RICTOR: variants seen among roughly 807,000 people sequenced by gnomAD.
RICTOR encodes the protein rapamycin-insensitive companion of mTOR.
A neutral mutation model predicts 214.9 loss-of-function variants in RICTOR; 49 were observed. The observed-to-expected ratio is 0.23, with a 90% CI of 0.18 to 0.29. The LOEUF is 0.29. Ranked by LOEUF, RICTOR falls within the 10% of genes least tolerant of loss-of-function variation. The probability of loss-of-function intolerance (pLI) is 1.00; values close to 1 mark genes in which losing one functional copy is unlikely to be tolerated. For synonymous variants in RICTOR, 717 were observed against 711.3 expected (o/e 1.01, Z -0.13); for missense variants, 1,625 against 2,047.0 (o/e 0.79, Z 3.98).
chr5:39,006,198 C>G (rs1424484784), intron 3 of RICTOR, among the ~76,000 whole-genome samples: 1 of 152,222 alleles, frequency 6.6e-6, no homozygotes, highest in African/African-American at 2.4e-5. Context: ...GTACAAGATT[C>G]TCTCTTTTCT....
chr5:39,067,455 G>A (rs1580233440), intron 2 of RICTOR, among the ~76,000 whole-genome samples: 1 of 151,964 alleles, frequency 6.6e-6, no homozygotes, highest in Non-Finnish European at 1.5e-5. Flanking sequence ...ATTTGGGTGG[G>A]GACAAATATC....
intron 20 of RICTOR, 77 bp from the exon 21 acceptor site, chr5:38,960,055 C>A: frequency 1.0e-6 from 1 of 984,732 alleles, no homozygotes; most frequent in Non-Finnish European, 1.6e-6. Context: ...CAATCAAGTA[C>A]AAAAACTTAC....
Position 38,950,647 on chromosome 5 carries a change from A to T in RICTOR, c.3201T>A (p.Asp1067Glu), listed in dbSNP as rs748717640. The stretch of plus-strand genomic sequence containing the variant: ...ATCGGTCATAAAATGTTGGCTCTGT[A>T]TCTTCATTGATATCAAGGAAAAATG... ...TSTFFLDINE[D>E]TEPTFYDRSG... The change falls in exon 31 of 38, where the codon GAT becomes GAA. Residue 1067 changes from aspartate (D) to glutamate (E), a missense_variant. Asp to Glu is a conservative substitution (Grantham distance 45, BLOSUM62 2). Transcript: ENST00000357387. 1 of 1,612,352 alleles carries T rather than the reference A, an allele frequency of 6.2e-7. No homozygotes were observed. Among genetic ancestry groups the T allele is most frequent in the Non-Finnish European group, 8.5e-7 (1 of 1,178,960 alleles).
Position 39,074,124 on chromosome 5 carries a change from C to T in RICTOR, c.84G>A (p.Leu28=). The T allele has an allele frequency of 6.3e-7, 1 of 1,584,498 alleles. No homozygotes were observed. The highest frequency in any genetic ancestry group is 8.6e-7 in the Non-Finnish European group (1 of 1,167,602). Reference sequence around the variant, plus strand: ...GCCCCGCGTTACCTCGGGTCAGATCCAGCGGGACGTTCTCCTCGCCGCTGT... The same window carrying T: ...GCCCCGCGTTACCTCGGGTCAGATCTAGCGGGACGTTCTCCTCGCCGCTGT... ...RNDSGEENVP[L]DLTREPSDNL... is the part of the protein sequence containing the mutation. Residue 28 remains leucine (L), a synonymous_variant, in exon 2 of 38, where the codon CTG becomes CTA. Coordinates refer to ENST00000357387, the MANE Select transcript of RICTOR (RefSeq NM_152756.5).
intron 34 of RICTOR, 43 bp from the exon 35 acceptor site, chr5:38,945,111 C>CT (rs1220313202): frequency 5.8e-6 from 8 of 1,368,040 alleles, no homozygotes; most frequent in Non-Finnish European, 8.2e-6. Context: ...ACCATAACGG[C>CT]TTAATTCCTG....
chr5:39,023,467 TG>T (rs1276275363), intron 2 of RICTOR, among the ~76,000 whole-genome samples: 1 of 152,208 alleles, frequency 6.6e-6, no homozygotes, highest in Non-Finnish European at 1.5e-5. Flanking sequence ...AAACAAGCCA[TG>T]GGCCAGATAT....
chr5:38,972,757 T>C (rs1750889593), intron 10 of RICTOR, among the ~76,000 whole-genome samples: 1 of 151,870 alleles, frequency 6.6e-6, no homozygotes, highest in Admixed American at 6.6e-5. Flanking sequence ...ATTTAGGTAT[T>C]TACGCAAGAG....
rs1242732147 is a variant in RICTOR at position 38,939,292 on chromosome 5, A to G, written c.*3012T>C. The G allele has an allele frequency of 4.3e-6, 1 of 232,434 alleles. No individual in the cohort carries two copies. The highest frequency in any genetic ancestry group is 8.5e-6 in the Non-Finnish European group (1 of 117,564). The allele number at this position is 232,434 out of a possible 1,614,324, so 14.4% of individuals were successfully genotyped here. The stretch of plus-strand genomic sequence containing the variant: ...CTTGAATTATCTCAAGCTCTAGATA[A>G]AAGAGCTGAAACCCATTAAAGTTGT... On this transcript the variant is annotated 3_prime_UTR_variant, in exon 38 of 38. Transcript: ENST00000357387.
At chr5:38,985,171 A>G (rs1362367930) in intron 7 of RICTOR, among the ~76,000 whole-genome samples, 1 of 152,146 alleles carries the variant, frequency 6.6e-6, no homozygotes, top group Non-Finnish European at 1.5e-5. Flanking sequence ...CTGTATCCAC[A>G]GGGAAATGGT....
intron 32 of RICTOR, among the ~76,000 whole-genome samples, 179 bp from the exon 33 acceptor site, chr5:38,946,731 T>C (rs954830726): frequency 3.3e-5 from 5 of 152,186 alleles, no homozygotes; most frequent in African/African-American, 1.2e-4. Flanking sequence ...AAGTCCTTAT[T>C]ATATTATTAG....
chr5:39,012,707 A>G (rs1319567713), intron 3 of RICTOR, among the ~76,000 whole-genome samples: 2 of 152,180 alleles, frequency 1.3e-5, no homozygotes, highest in Admixed American at 1.3e-4. Context: ...CAAATCATTG[A>G]CTATGTTTAG....
chr5:38,940,888 T>G lies in RICTOR; in HGVS notation c.*1416A>C, dbSNP rs1262284824. The G allele has an allele frequency of 4.3e-6, 1 of 232,260 alleles. No homozygotes were observed. The highest frequency in any genetic ancestry group is 2.2e-5 in the African/African-American group (1 of 45,318). The allele number at this position is 232,260 out of a possible 1,614,324, so 14.4% of individuals were successfully genotyped here. A position where few individuals can be genotyped will look rare whatever the true frequency, so the allele number is the denominator to read the frequency against. ...CATCATGGGAAAATATTAATGTTGC[T>G]ATGACTGTGTCAAAACTGATGTGTA... On this transcript the variant is annotated 3_prime_UTR_variant, in exon 38 of 38. Transcript: ENST00000357387.
At chr5:38,971,015 T>C (rs1466691820) in intron 11 of RICTOR, 1 of 152,664 alleles carries the variant, frequency 6.6e-6, no homozygotes, top group East Asian at 1.9e-4. Flanking sequence ...CAACTTTTTT[T>C]TGTTTTTTTG....
chr5:38,989,717 G>C (rs1009494643), intron 7 of RICTOR, among the ~76,000 whole-genome samples: 1 of 152,098 alleles, frequency 6.6e-6, no homozygotes, highest in African/African-American at 2.4e-5. Flanking sequence ...CTCAAAAGAA[G>C]ACATTTATGT....
At chr5:39,032,164 T>C (rs150236688) in intron 2 of RICTOR, among the ~76,000 whole-genome samples, 3,767 of 152,172 alleles carry the variant, frequency 0.025, 71 homozygotes, top group Middle Eastern at 0.068. Flanking sequence ...GATAGAAAAA[T>C]AGAACATTTT....
At chr5:38,945,765 A>T in intron 33 of RICTOR, 41 bp from the exon 34 acceptor site, 1 of 1,070,072 alleles carries the variant, frequency 9.3e-7, no homozygotes. Flanking sequence ...AATAAAGATA[A>T]TACTTTTCAA....
At chr5:38,952,937 T>C in intron 29 of RICTOR, 48 bp downstream of exon 29, 1 of 1,124,472 alleles carries the variant, frequency 8.9e-7, no homozygotes, top group Non-Finnish European at 1.3e-6. Flanking sequence ...CATCCATTTG[T>C]GAATAACAAC....
At position 38,982,014 on chromosome 5, in the gene RICTOR, C is replaced by T; in HGVS notation, c.606G>A (p.Val202=). ...CELALQNPEV[V]ALRGGLNTIL... Reference sequence around the variant, plus strand: ...TGGTGTTTAGTCCACCTCGAAGGGCCACCACCTCTGGATTCTGAAGTGCTA... The same window carrying T: ...TGGTGTTTAGTCCACCTCGAAGGGCTACCACCTCTGGATTCTGAAGTGCTA... Residue 202 remains valine (V), a synonymous_variant, in exon 8 of 38, where the codon GTG becomes GTA. Coordinates refer to ENST00000357387, the MANE Select transcript of RICTOR (RefSeq NM_152756.5). 2 of 1,612,166 alleles carry T rather than the reference C, an allele frequency of 1.2e-6. No homozygotes were observed. The highest frequency in any genetic ancestry group is 2.2e-5 in the East Asian group (1 of 44,798).
intron 2 of RICTOR, among the ~76,000 whole-genome samples, chr5:39,029,933 A>T (rs1476047013): frequency 2.6e-5 from 4 of 152,194 alleles, no homozygotes; most frequent in Non-Finnish European, 4.4e-5. Context: ...CAAGTGTTTA[A>T]CACATTAGTC....
Sources: allele counts gnomAD v4.1 joint callset (sites outside exome capture counted in the v4.1 genomes callset), GRCh38; gene constraint gnomAD v4.1.1; transcripts MANE v1.5; gene names NCBI Gene and HGNC (gene_info 2026-07-23, HGNC 2026-07-21).